DDX55: variants seen among roughly 807,000 people sequenced by gnomAD.
DDX55 encodes DEAD-box helicase 55, also known as ATP-dependent RNA helicase DDX55.
DDX55 carries 56 observed loss-of-function variants against 69.2 expected under a neutral mutation model. That is an observed-to-expected ratio of 0.81 (90% CI 0.65 to 1.01). The LOEUF (loss-of-function observed/expected upper bound fraction) is 1.01. DDX55 is among the 50% of genes least tolerant of loss of function. DDX55 has a pLI of 0.00. For synonymous variants in DDX55, 268 were observed against 273.1 expected, an observed-to-expected ratio of 0.98 and a Z score of 0.18; for missense variants, 720 against 745.1, an observed-to-expected ratio of 0.97 and a Z score of 0.39.
chr12:123,618,765 G>C lies in DDX55; in HGVS notation c.1261G>C (p.Gly421Arg), dbSNP rs767751791. The C allele has an allele frequency of 1.9e-6, 3 of 1,614,072 alleles. No homozygotes were observed. The South Asian group carries it at 3.3e-5, about 18-fold the overall frequency. The change falls in exon 12 of 14, where the codon GGC becomes CGC. Residue 421 changes from glycine (G) to arginine (R), a missense_variant. By Grantham distance (125) the Gly-to-Arg change is moderately radical. Transcript: ENST00000238146. The part of the protein sequence containing the change: ...ALADRAVFEK[G>R]MKAFVSYVQA... ...GGCTGACAGAGCTGTGTTTGAAAAG[G>C]GCATGAAAGCTTTTGTGTCATATGT... is the stretch of plus-strand genomic sequence containing the variant.
In DDX55 at chr12:123,618,078, A is replaced by G; in HGVS notation, c.1164+206A>G. The G allele has an allele frequency of 3.1e-5, 15 of 491,434 alleles. No individual in the cohort carries two copies. In the South Asian group the frequency reaches 3.2e-4, roughly 10 times the overall value. 30.4% of individuals were successfully genotyped at this position (491,434 alleles called of 1,614,324 possible). A position where few individuals can be genotyped will look rare whatever the true frequency, so the allele number is the denominator to read the frequency against. ...GTTGCCCAGGCTGGAGTGCAATGGC[A>G]CTATCTCGGTTCACCGCAACCTCCA... On this transcript the variant is annotated intron_variant, in intron 11 of 13. Coordinates refer to ENST00000238146, the MANE Select transcript of DDX55 (RefSeq NM_020936.3).
intron 11 of DDX55, chr12:123,618,400 C>A: frequency 1.1e-6 from 1 of 916,106 alleles, no homozygotes; most frequent in Non-Finnish European, 1.7e-6. Flanking sequence ...GGGACCCAGG[C>A]AAGGGTTACT....
intron 1 of DDX55, among the ~76,000 whole-genome samples, chr12:123,602,900 C>T (rs1953655714): frequency 6.6e-6 from 1 of 152,184 alleles, no homozygotes; most frequent in South Asian, 2.1e-4. Flanking sequence ...AGGAAGGCCT[C>T]TCTGAGGAGG....
At chr12:123,611,938 T>A (rs1213486831) in intron 7 of DDX55, among the ~76,000 whole-genome samples, 1 of 152,208 alleles carries the variant, frequency 6.6e-6, no homozygotes, top group Non-Finnish European at 1.5e-5. Context: ...TCCTTACTTG[T>A]CAAATGGGGG....
chr12:123,609,873 C>CCTGTTTA, intron 6 of DDX55, 66 bp from the exon 7 acceptor site: 1 of 1,535,202 alleles, frequency 6.5e-7, no homozygotes, highest in Non-Finnish European at 8.8e-7. Context: ...TGTTTAGTAT[C>CCTGTTTA]GTGAAGCACT....
At position 123,615,314 on chromosome 12, in the gene DDX55, A is replaced by G. The variant is rs1204094462; in HGVS notation, c.954A>G (p.Gln318=). ...NKIFMEFRKL[Q]SGILVCTDVM... ...TCTTCATGGAGTTCCGCAAATTGCA[A>G]AGGTGGGTGGGCTTCATTGAAGGTA... Residue 318 remains glutamine (Q), a splice_region_variant and synonymous_variant, in exon 9 of 14, where the codon CAA becomes CAG. Transcript: ENST00000238146. The G allele has an allele frequency of 6.2e-7, 1 of 1,613,662 alleles. No individual in the cohort carries two copies. Among genetic ancestry groups the G allele is most frequent in the Middle Eastern group, 1.7e-4 (1 of 6,060 alleles).
intron 7 of DDX55, among the ~76,000 whole-genome samples, chr12:123,610,760 C>T (rs1395501249): frequency 3.3e-5 from 5 of 150,530 alleles, no homozygotes; most frequent in East Asian, 2.0e-4. Context: ...TACAGGCGCC[C>T]GCCACCACGC....
intron 12 of DDX55, 22 bp downstream of exon 12, chr12:123,618,859 GATA>G (rs1241555624): frequency 6.2e-7 from 1 of 1,611,500 alleles, no homozygotes; most frequent in African/African-American, 1.3e-5. Context: ...TTCTTCATGT[GATA>G]ATGTCTCCAT....
Position 123,610,056 on chromosome 12 carries a change from C to T in DDX55, c.669C>T (p.Val223=), listed in dbSNP as rs1209297973. 9 of 1,614,182 alleles carry T rather than the reference C, an allele frequency of 5.6e-6. 1 individual carries two copies. In the South Asian group the frequency reaches 7.7e-5, roughly 14 times the overall value. Residue 223 remains valine, a synonymous_variant, in exon 7 of 14, where the codon GTC becomes GTT. Transcript: ENST00000238146. ...VRAGLRNPVR[V]SVKEKGVAAS... ...CGGGCCTCCGGAACCCTGTCCGGGT[C>T]TCAGTGAAGGAGAAGGGCGTGGCAG... is the stretch of plus-strand genomic sequence containing the variant.
In DDX55 at chr12:123,610,037, T is replaced by C; in HGVS notation, c.650T>C (p.Leu217Pro). The C allele has an allele frequency of 6.2e-7, 1 of 1,614,108 alleles. No individual in the cohort carries two copies. The highest frequency in any genetic ancestry group is 8.5e-7 in the Non-Finnish European group (1 of 1,180,018). Residue 217 changes from leucine to proline, a missense_variant, in exon 7 of 14, where the codon CTC becomes CCC. Coordinates refer to ENST00000238146, the MANE Select transcript of DDX55 (RefSeq NM_020936.3). ...GTGGAGAACCTGGTGAGAGCGGGCC[T>C]CCGGAACCCTGTCCGGGTCTCAGTG... is the stretch of plus-strand genomic sequence containing the variant. ...QEVENLVRAG[L>P]RNPVRVSVKE... is the part of the protein sequence containing the mutation.
chr12:123,610,482 G>T (rs1197428936), intron 7 of DDX55, among the ~76,000 whole-genome samples: 5 of 152,020 alleles, frequency 3.3e-5, no homozygotes, highest in Admixed American at 2.6e-4. Context: ...GGCATAGTTA[G>T]ATGTGCAGGT....
chr12:123,617,482 C>T (rs1342674048), intron 10 of DDX55, among the ~76,000 whole-genome samples: 1 of 152,168 alleles, frequency 6.6e-6, no homozygotes, highest in Admixed American at 6.5e-5. Flanking sequence ...CCAGATTTTC[C>T]ACTGGGGACT....
chr12:123,620,613 T>TAA lies in DDX55; in HGVS notation c.*474_*475insAA, dbSNP rs1955067857. The TAA allele has an allele frequency of 2.8e-5, 2 of 71,058 alleles. No homozygotes were observed. Among genetic ancestry groups the TAA allele is most frequent in the African/African-American group, 1.0e-4 (2 of 19,828 alleles). 4.4% of individuals were successfully genotyped at this position (71,058 alleles called of 1,614,324 possible). A position where few individuals can be genotyped will look rare whatever the true frequency, so the allele number is the denominator to read the frequency against. On this transcript the variant is annotated 3_prime_UTR_variant, in exon 14 of 14. Transcript: ENST00000238146. ...ATATATATATATATATATATATATA[T>TAA]ATATATATATATATAAGCTCTTTTT...
rs774665177 is a variant in DDX55, at chr12:123,617,771, C to T, written c.1063C>T (p.Arg355Cys). Reference sequence around the variant, plus strand: ...GTGTTCTCACAGTGCCTTCGTGCATCGCTGCGGTCGCACAGCTCGCATTGG... The same window carrying T: ...GTGTTCTCACAGTGCCTTCGTGCATTGCTGCGGTCGCACAGCTCGCATTGG... ...PPSNASAFVHRCGRTARIGHG... is the reference protein window; with the variant it reads ...PPSNASAFVHCCGRTARIGHG... Residue 355 changes from arginine (R) to cysteine (C), a missense_variant, in exon 11 of 14, where the codon CGC becomes TGC. Transcript: ENST00000238146. 32 of 1,612,158 alleles carry T rather than the reference C, an allele frequency of 2.0e-5. No individual in the cohort carries two copies. The highest frequency in any genetic ancestry group is 3.3e-5 in the Admixed American group (2 of 59,846).
Position 123,602,217 on chromosome 12 carries a change from G to C in DDX55, c.69G>C (p.Ala23=), listed in dbSNP as rs1206092097. The C allele has an allele frequency of 2.5e-6, 4 of 1,570,932 alleles. No individual in the cohort carries two copies. The African/African-American group carries it at 5.4e-5, about 21-fold the overall frequency. Residue 23 remains alanine (A), a synonymous_variant, in exon 1 of 14, where the codon GCG becomes GCC. Transcript: ENST00000238146. ...PVPLHPQVLG[A]LRELGFPYMT... Reference sequence around the variant, plus strand: ...CGCTGCACCCGCAGGTGCTGGGCGCGCTGCGGGAGCTGGGCTTCCCGTACA... The same window carrying C: ...CGCTGCACCCGCAGGTGCTGGGCGCCCTGCGGGAGCTGGGCTTCCCGTACA...
At chr12:123,615,420 T>C (rs1238037494) in intron 9 of DDX55, 104 bp downstream of exon 9, 1 of 1,484,924 alleles carries the variant, frequency 6.7e-7, no homozygotes, top group Admixed American at 2.0e-5. Flanking sequence ...ATGTGTTGTC[T>C]TTCCTGCCTG....
chr12:123,610,608 T>C, intron 7 of DDX55, among the ~76,000 whole-genome samples: 1 of 129,296 alleles, frequency 7.7e-6, no homozygotes, highest in African/African-American at 3.4e-5. Flanking sequence ...TGAGTTTCTT[T>C]TTTTTTTTTT....
intron 7 of DDX55, among the ~76,000 whole-genome samples, chr12:123,610,454 G>C (rs1954143040): frequency 6.6e-6 from 1 of 152,094 alleles, no homozygotes; most frequent in Non-Finnish European, 1.5e-5. Flanking sequence ...CGTCAGAACA[G>C]CCTGTCTGAC....
Position 123,620,239 on chromosome 12 carries a change from T to C in DDX55, c.*99T>C. On this transcript the variant is annotated 3_prime_UTR_variant, in exon 14 of 14. Coordinates refer to ENST00000238146, the MANE Select transcript of DDX55 (RefSeq NM_020936.3). ...ACGAAAATCACAACTTCAGGAGACATCTGAAAAGAATGATGTCTCTGAAAG... is the reference window on the plus strand; with the variant it reads ...ACGAAAATCACAACTTCAGGAGACACCTGAAAAGAATGATGTCTCTGAAAG... 1 of 1,199,662 alleles carries C rather than the reference T, an allele frequency of 8.3e-7. No homozygotes were observed. The highest frequency in any genetic ancestry group is 1.2e-6 in the Non-Finnish European group (1 of 859,314). The allele number at this position is 1,199,662 out of a possible 1,614,324, so 74.3% of individuals were successfully genotyped here.
Sources: allele counts gnomAD v4.1 joint callset (sites outside exome capture counted in the v4.1 genomes callset), GRCh38; gene constraint gnomAD v4.1.1; transcripts MANE v1.5; gene names NCBI Gene and HGNC (gene_info 2026-07-23, HGNC 2026-07-21).